Variants in FRMD6 observed in about 807,000 individuals in gnomAD.
The protein encoded by FRMD6 is FERM domain containing 6, also known as FERM domain-containing protein 6.
A neutral mutation model predicts 73.2 loss-of-function variants in FRMD6; 37 were observed. The observed-to-expected ratio is 0.51, with a 90% confidence interval of 0.39 to 0.66. The LOEUF (loss-of-function observed/expected upper bound fraction) is 0.66, where lower values mean the gene tolerates loss of function less well. Ranked by LOEUF, FRMD6 falls within the 30% of genes least tolerant of loss-of-function variation. The probability of loss-of-function intolerance (pLI) is 0.00; values close to 1 mark genes in which losing one functional copy is unlikely to be tolerated. For missense variants in FRMD6, 714 were observed against 780.5 expected (o/e 0.91, Z 1.02); for synonymous variants, 273 against 282.2 (o/e 0.97, Z 0.33).
intron 1 of FRMD6, among the ~76,000 whole-genome samples, chr14:51,525,711 C>A (rs947258988): frequency 1.3e-5 from 2 of 152,150 alleles, no homozygotes; most frequent in African/African-American, 4.8e-5. Flanking sequence ...ATCACCATAA[C>A]CCCTGACCTT....
chr14:51,503,832 G>A (rs1287948083), intron 1 of FRMD6, among the ~76,000 whole-genome samples: 1 of 147,736 alleles, frequency 6.8e-6, no homozygotes, highest in Non-Finnish European at 1.5e-5. Flanking sequence ...GTAGAATTCA[G>A]CTGTAAATCT....
chr14:51,414,722 T>C, the FRMD6 span, among the ~76,000 whole-genome samples: 1 of 152,198 alleles, frequency 6.6e-6, no homozygotes, highest in South Asian at 2.1e-4. Context: ...GGGGGTGGCA[T>C]TGAATCTATA....
At chr14:51,440,598 A>G in the FRMD6 span, among the ~76,000 whole-genome samples, 2 of 152,230 alleles carry the variant, frequency 1.3e-5, no homozygotes, top group East Asian at 3.8e-4. Flanking sequence ...AGAACTGAGA[A>G]TTCTGCTAAA....
chr14:51,692,292 G>A (rs1396938766), intron 2 of FRMD6, among the ~76,000 whole-genome samples: 1 of 151,992 alleles, frequency 6.6e-6, no homozygotes, highest in Non-Finnish European at 1.5e-5. Context: ...TTTTCAGTGG[G>A]GGCACTAGCA....
intron 7 of FRMD6, 89 bp from the exon 8 acceptor site, chr14:51,711,442 A>G (rs1223844613): frequency 3.6e-6 from 3 of 827,160 alleles, no homozygotes; most frequent in Admixed American, 5.0e-5. Flanking sequence ...CTGAATTTCA[A>G]TCCTGAAATG....
At position 51,641,983 on chromosome 14, in the gene FRMD6, T is replaced by G. The variant is rs554129146; in HGVS notation, c.-146-47708T>G. ...CAAAATATGGCTTTGAAGGTTCCCT[T>G]GTCTCACGATTATCTCCCACCTTAC... On this transcript the variant is annotated intron_variant, in intron 2 of 14. Transcript: ENST00000356218. 4.6e-5 allele frequency among the ~76,000 whole-genome samples: 7 copies of G among 152,296 alleles called. No homozygotes were observed. In the South Asian group the frequency reaches 1.2e-3, roughly 27 times the overall value.
At chr14:51,521,211 C>T (rs541782303) in intron 1 of FRMD6, among the ~76,000 whole-genome samples, 2 of 152,258 alleles carry the variant, frequency 1.3e-5, no homozygotes, top group East Asian at 3.9e-4. Flanking sequence ...TTTGGTGAAA[C>T]TGTCCAGTAG....
At chr14:51,715,046 C>T (rs11620807) in intron 9 of FRMD6, 65,090 of 231,692 alleles carry the variant, frequency 0.28, 10,130 homozygotes, top group Non-Finnish European at 0.33. Context: ...ATACAAATAA[C>T]CTGACCAGCC....
At chr14:51,669,561 G>A (rs1893848038) in intron 1 of FRMD6, among the ~76,000 whole-genome samples, 1 of 152,164 alleles carries the variant, frequency 6.6e-6, no homozygotes, top group Non-Finnish European at 1.5e-5. Flanking sequence ...TGGCAGGTGT[G>A]TAGTGGTACC....
At chr14:51,641,120 C>T (rs113159468) in intron 2 of FRMD6, among the ~76,000 whole-genome samples, 1 of 151,856 alleles carries the variant, frequency 6.6e-6, no homozygotes, top group Non-Finnish European at 1.5e-5. Flanking sequence ...ATAGGCGATG[C>T]CACCACACCC....
rs115445761 is a variant in FRMD6 at position 51,655,086 on chromosome 14, C to T, written c.-147+3090C>T. Among the ~76,000 whole-genome samples, 1,055 of 151,274 alleles carry T rather than the reference C, an allele frequency of 7.0e-3. 9 individuals carry two copies. The highest frequency in any genetic ancestry group is 0.024 in the African/African-American group (998 of 41,264). On this transcript the variant is annotated intron_variant, in intron 1 of 13. Transcript: ENST00000344768. Reference sequence around the variant, plus strand: ...AAGTTTTAAGTGTGTTTACAATCCTCAATAGAATCCTACTGTAACACAGTT... The same window carrying T: ...AAGTTTTAAGTGTGTTTACAATCCTTAATAGAATCCTACTGTAACACAGTT...
intron 10 of FRMD6, among the ~76,000 whole-genome samples, chr14:51,718,771 T>C (rs1221196738): frequency 6.6e-6 from 1 of 152,246 alleles, no homozygotes; most frequent in Non-Finnish European, 1.5e-5. Context: ...ACAATGTGAA[T>C]AGGCTGGAAC....
intron 1 of FRMD6, among the ~76,000 whole-genome samples, chr14:51,558,169 T>C (rs902237280): frequency 1.6e-4 from 25 of 152,146 alleles, no homozygotes; most frequent in Admixed American, 1.2e-3. Context: ...AATAAATACC[T>C]TTTTAAAAAT....
In FRMD6 at chr14:51,690,417, A is replaced by G. The variant is rs568023542; in HGVS notation, c.99+482A>G. Among the ~76,000 whole-genome samples the G allele has an allele frequency of 3.4e-4, 51 of 151,982 alleles. No individual in the cohort carries two copies. In the South Asian group the frequency reaches 0.011, roughly 32 times the overall value. ...TTTTTGCTTTTTGAGACAGAGTCTC[A>G]CTCTGTCACCCAGGCTGGAGTGTAG... On this transcript the variant is annotated intron_variant, in intron 2 of 13. Coordinates refer to ENST00000344768, the MANE Select transcript of FRMD6 (RefSeq NM_001267046.2).
chr14:51,654,192 G>T (rs1312434336), intron 1 of FRMD6, among the ~76,000 whole-genome samples: 1 of 151,724 alleles, frequency 6.6e-6, no homozygotes, highest in East Asian at 1.9e-4. Flanking sequence ...CCTGAAAACA[G>T]CATGGGCCTG....
chr14:51,561,634 G>T (rs1887486268), intron 1 of FRMD6, among the ~76,000 whole-genome samples: 1 of 152,076 alleles, frequency 6.6e-6, no homozygotes, highest in Non-Finnish European at 1.5e-5. Context: ...TTATTTTGAT[G>T]ACTTCAACCT....
rs75750526 is a variant in FRMD6, at chr14:51,700,352, A to T, written c.191-704A>T. 4.1e-3 allele frequency among the ~76,000 whole-genome samples: 617 copies of T among 152,154 alleles called. 6 individuals are homozygous for T. The highest frequency in any genetic ancestry group is 0.014 in the African/African-American group (599 of 41,548). On this transcript the variant is annotated intron_variant, in intron 3 of 13. Transcript: ENST00000344768. ...TTTCACGTGTTTAGATCACTTTAAC[A>T]TAGGTTTTAGCGGTCTTATTTTCTG... is the stretch of plus-strand genomic sequence containing the variant.
intron 2 of FRMD6, among the ~76,000 whole-genome samples, chr14:51,573,500 A>G (rs985217495): frequency 1.3e-5 from 2 of 152,202 alleles, no homozygotes; most frequent in African/African-American, 2.4e-5. Flanking sequence ...TCCATTTGCT[A>G]CTTTCCTTCA....
intron 2 of FRMD6, among the ~76,000 whole-genome samples, chr14:51,600,811 C>T (rs989981606): frequency 2.0e-5 from 3 of 152,258 alleles, no homozygotes; most frequent in Non-Finnish European, 4.4e-5. Flanking sequence ...CAATCAAACC[C>T]TGGCCATTGC....
Sources: allele counts gnomAD v4.1 joint callset (sites outside exome capture counted in the v4.1 genomes callset), GRCh38; gene constraint gnomAD v4.1.1; transcripts MANE v1.5; gene names NCBI Gene and HGNC (gene_info 2026-07-23, HGNC 2026-07-21).